The following HIBADH variants were observed in gnomAD, a reference collection of about 807,000 sequenced individuals.
HIBADH encodes the protein 3-hydroxyisobutyrate dehydrogenase.
A neutral mutation model predicts 36.1 loss-of-function variants in HIBADH; 25 were observed. The ratio of observed to expected loss-of-function variants is 0.69; its 90% CI spans 0.50 to 0.97. The LOEUF is 0.97. Ranked by LOEUF, HIBADH falls within the 50% of genes least tolerant of loss-of-function variation. HIBADH has a pLI of 0.00. For missense variants in HIBADH, 421 were observed against 418.0 expected (o/e 1.01, Z -0.06); for synonymous variants, 160 against 149.5 (o/e 1.07, Z -0.51).
chr7:27,573,672 G>A (rs781133019), intron 4 of HIBADH, among the ~76,000 whole-genome samples: 4 of 152,126 alleles, frequency 2.6e-5, no homozygotes, highest in South Asian at 2.1e-4. Flanking sequence ...AAAATGTAGC[G>A]GCAGACTCTC....
At chr7:27,542,400 C>T (rs1002370377) in intron 5 of HIBADH, among the ~76,000 whole-genome samples, 4 of 146,614 alleles carry the variant, frequency 2.7e-5, no homozygotes, top group African/African-American at 1.0e-4. Flanking sequence ...GCTGGGATGA[C>T]AGACATGTCA....
chr7:27,558,396 C>T (rs1235747729), intron 4 of HIBADH, among the ~76,000 whole-genome samples: 2 of 152,232 alleles, frequency 1.3e-5, no homozygotes, highest in East Asian at 1.9e-4. Flanking sequence ...GGTACAATCT[C>T]GACTCACTGC....
At position 27,598,328 on chromosome 7, in the gene HIBADH, C is replaced by A. The variant is rs899712616; in HGVS notation, c.484+31043G>T. 2.0e-5 allele frequency among the ~76,000 whole-genome samples: 3 copies of A among 152,178 alleles called. No homozygotes were observed. In the East Asian group the frequency reaches 5.8e-4, roughly 29 times the overall value. ...TTTCTTTTATAAAATAAGGGCAATCCTTCATTATCTAGATATTTCTCTCTA... is the reference window on the plus strand; with the variant it reads ...TTTCTTTTATAAAATAAGGGCAATCATTCATTATCTAGATATTTCTCTCTA... On this transcript the variant is annotated intron_variant, in intron 4 of 7. Transcript: ENST00000265395.
At chr7:27,567,549 CCT>C (rs1166562217) in intron 4 of HIBADH, among the ~76,000 whole-genome samples, 2 of 152,004 alleles carry the variant, frequency 1.3e-5, no homozygotes, top group African/African-American at 4.8e-5. Flanking sequence ...GTTTTTAGTT[CCT>C]CTCTTTCTCC....
intron 4 of HIBADH, among the ~76,000 whole-genome samples, chr7:27,619,180 A>G (rs949820532): frequency 6.6e-6 from 1 of 152,182 alleles, no homozygotes; most frequent in African/African-American, 2.4e-5. Context: ...CCCTCCAAGG[A>G]AATAACAGAT....
Position 27,539,109 on chromosome 7 carries a change from C to T in HIBADH, c.619-692G>A, listed in dbSNP as rs983409371. On this transcript the variant is annotated intron_variant, in intron 5 of 7. Coordinates refer to ENST00000265395, the MANE Select transcript of HIBADH (RefSeq NM_152740.4). The stretch of plus-strand genomic sequence containing the variant: ...TAGGGTGGAGAGTTAAAATTTGACA[C>T]GGTAGGAAATAGGGATCTATTCAAA... Among the ~76,000 whole-genome samples, 10 of 151,958 alleles carry T rather than the reference C, an allele frequency of 6.6e-5. No homozygotes were observed. The East Asian group carries it at 1.2e-3, about 18-fold the overall frequency.
intron 4 of HIBADH, among the ~76,000 whole-genome samples, chr7:27,627,208 T>TA (rs1785663915): frequency 6.6e-6 from 1 of 152,098 alleles, no homozygotes. Flanking sequence ...AAGAATTGCT[T>TA]ATGGTGTTTT....
In HIBADH at chr7:27,546,105, CTATT is replaced by C. The variant is rs535933413; in HGVS notation, c.485-3009_485-3006del. On this transcript the variant is annotated intron_variant, in intron 4 of 7. Coordinates refer to ENST00000265395, the MANE Select transcript of HIBADH (RefSeq NM_152740.4). Reference sequence around the variant, plus strand: ...GAATGTATGCTGTAAAATAAAAATGCTATTTATTTATTTATTTTTTGAGACAGGG... The same window carrying C: ...GAATGTATGCTGTAAAATAAAAATGCTATTTATTTATTTTTTGAGACAGGG... Among the ~76,000 whole-genome samples, 495 of 152,028 alleles carry C rather than the reference CTATT, an allele frequency of 3.3e-3. 6 individuals are homozygous for C. The highest frequency in any genetic ancestry group is 0.011 in the African/African-American group (463 of 41,506).
At chr7:27,530,904 A>G (rs1346729251) in intron 7 of HIBADH, among the ~76,000 whole-genome samples, 4 of 152,090 alleles carry the variant, frequency 2.6e-5, no homozygotes, top group South Asian at 4.1e-4. Context: ...ACGAAATTTT[A>G]CCGGCTCATA....
chr7:27,606,155 G>GA (rs1375024741), intron 4 of HIBADH, among the ~76,000 whole-genome samples: 1 of 152,060 alleles, frequency 6.6e-6, no homozygotes, highest in Admixed American at 6.5e-5. Flanking sequence ...TTTAAAAGTT[G>GA]AAATGTTTAA....
Position 27,640,285 on chromosome 7 carries a change from C to T in HIBADH, c.253-7840G>A, listed in dbSNP as rs145920003. Among the ~76,000 whole-genome samples, 82 of 152,352 alleles carry T rather than the reference C, an allele frequency of 5.4e-4. No individual in the cohort carries two copies. The East Asian group carries it at 0.015, about 28-fold the overall frequency. ...ATGGCTCACACCTGTAATCCCAACA[C>T]TTTGGGAGGCCAAGGTGGGCTGATC... is the stretch of plus-strand genomic sequence containing the variant. On this transcript the variant is annotated intron_variant, in intron 2 of 7. Transcript: ENST00000265395.
At chr7:27,621,419 AT>A (rs1208804033) in intron 4 of HIBADH, among the ~76,000 whole-genome samples, 2 of 152,174 alleles carry the variant, frequency 1.3e-5, no homozygotes, top group East Asian at 1.9e-4. Context: ...CAGAATATAC[AT>A]TTTTTCCATC....
intron 4 of HIBADH, among the ~76,000 whole-genome samples, chr7:27,572,970 G>C (rs1451251430): frequency 6.6e-6 from 1 of 152,064 alleles, no homozygotes; most frequent in African/African-American, 2.4e-5. Flanking sequence ...AAGAGTAAAA[G>C]AAGCTTCACT....
At chr7:27,546,237 G>A (rs1378966531) in intron 4 of HIBADH, among the ~76,000 whole-genome samples, 2 of 152,040 alleles carry the variant, frequency 1.3e-5, no homozygotes, top group African/African-American at 2.4e-5. Flanking sequence ...CGAGTAGCTC[G>A]GACTACAGGC....
intron 2 of HIBADH, among the ~76,000 whole-genome samples, chr7:27,646,203 C>A (rs2391451): frequency 0.79 from 120,501 of 152,128 alleles, 48,096 homozygotes; most frequent in East Asian, 0.97. Context: ...CAAGGGAGAC[C>A]AATGATCAGT....
At position 27,632,438 on chromosome 7, in the gene HIBADH, G is replaced by T. The variant is rs1475228363; in HGVS notation, c.260C>A (p.Ser87Tyr). The change falls in exon 3 of 8, where the codon TCT becomes TAT. Residue 87 changes from serine to tyrosine, a missense_variant. Physicochemically the swap from Ser to Tyr is moderately radical, Grantham distance 144. Transcript: ENST00000265395. ...EFQDAGEQVV[S>Y]SPADVAEKAD... ...TTTTTCAGCAACATCTGCTGGGGAAGATACTACCTTTAAAAAAAATTGCAA... is the reference window on the plus strand; with the variant it reads ...TTTTTCAGCAACATCTGCTGGGGAATATACTACCTTTAAAAAAAATTGCAA... 3 of 1,610,788 alleles carry T rather than the reference G, an allele frequency of 1.9e-6. No homozygotes were observed. In the South Asian group the frequency reaches 3.3e-5, roughly 18 times the overall value.
At chr7:27,661,790 C>G (rs1460997302) in intron 1 of HIBADH, among the ~76,000 whole-genome samples, 1 of 152,024 alleles carries the variant, frequency 6.6e-6, no homozygotes, top group East Asian at 1.9e-4. Flanking sequence ...CCCCACAAAT[C>G]AACCAATTTT....
chr7:27,592,208 T>C (rs1447895004), intron 4 of HIBADH, among the ~76,000 whole-genome samples: 3 of 152,214 alleles, frequency 2.0e-5, no homozygotes, highest in African/African-American at 7.2e-5. Context: ...GTGTGTTACA[T>C]TTAGTGCAAT....
rs1851909 is a variant in HIBADH at position 27,577,256 on chromosome 7, C to T, written c.485-34156G>A. 7.1e-3 allele frequency among the ~76,000 whole-genome samples: 1,077 copies of T among 151,798 alleles called. 13 individuals carry two copies. Among genetic ancestry groups the T allele is most frequent in the African/African-American group, 0.025 (1,032 of 41,354 alleles). ...TCGGCTCACCACAACCTCCGCCTCC[C>T]GGGTTCAAGCAATTCTCCTACCTCA... On this transcript the variant is annotated intron_variant, in intron 4 of 7. Coordinates refer to ENST00000265395, the MANE Select transcript of HIBADH (RefSeq NM_152740.4).
Sources: allele counts gnomAD v4.1 joint callset (sites outside exome capture counted in the v4.1 genomes callset), GRCh38; gene constraint gnomAD v4.1.1; transcripts MANE v1.5; gene names NCBI Gene and HGNC (gene_info 2026-07-23, HGNC 2026-07-21).